DHRS3: variants seen among roughly 807,000 people sequenced by gnomAD.
The protein encoded by DHRS3 is dehydrogenase/reductase 3.
A neutral mutation model predicts 27.2 loss-of-function variants in DHRS3; 14 were observed. The ratio of observed to expected loss-of-function variants is 0.52; its 90% CI spans 0.34 to 0.81. DHRS3 has a LOEUF of 0.81. Among genes scored for constraint, DHRS3 ranks in the 30% least tolerant of loss-of-function variants. DHRS3 has a pLI of 0.01. For synonymous variants in DHRS3, 165 were observed against 175.9 expected (o/e 0.94, Z 0.49); for missense variants, 322 against 406.2 (o/e 0.79, Z 1.78).
chr1:12,616,326 G>T (rs1646944124), intron 1 of DHRS3, among the ~76,000 whole-genome samples: 1 of 152,130 alleles, frequency 6.6e-6, no homozygotes, highest in African/African-American at 2.4e-5. Flanking sequence ...GCCTGGCCTG[G>T]GCTGGGAGTT....
At chr1:12,598,955 C>T (rs565656489) in intron 1 of DHRS3, among the ~76,000 whole-genome samples, 2 of 152,346 alleles carry the variant, frequency 1.3e-5, no homozygotes, top group South Asian at 2.1e-4. Context: ...GCATCTCCCT[C>T]ATACTCCAAC....
intron 1 of DHRS3, among the ~76,000 whole-genome samples, chr1:12,588,418 C>T (rs1646716371): frequency 6.6e-6 from 1 of 152,216 alleles, no homozygotes; most frequent in South Asian, 2.1e-4. Flanking sequence ...CAGTGACTCA[C>T]CCAAGGTCAT....
At chr1:12,602,736 C>T (rs1646844208) in intron 1 of DHRS3, among the ~76,000 whole-genome samples, 4 of 152,220 alleles carry the variant, frequency 2.6e-5, no homozygotes, top group Non-Finnish European at 4.4e-5. Context: ...ATGAGGGAAC[C>T]AAAGCCCAGA....
chr1:12,575,367 A>G (rs1467454690), intron 4 of DHRS3, among the ~76,000 whole-genome samples: 1 of 152,030 alleles, frequency 6.6e-6, no homozygotes, highest in Non-Finnish European at 1.5e-5. Context: ...ATAGCAATTT[A>G]TAAACAATAA....
chr1:12,582,791 CATCT>C (rs1311055743), intron 1 of DHRS3, among the ~76,000 whole-genome samples: 1 of 151,950 alleles, frequency 6.6e-6, no homozygotes, highest in Non-Finnish European at 1.5e-5. Flanking sequence ...CCAGTCCATC[CATCT>C]ATCCACCACA....
intron 1 of DHRS3, among the ~76,000 whole-genome samples, chr1:12,601,968 G>A (rs182920214): frequency 6.6e-6 from 1 of 152,272 alleles, no homozygotes; most frequent in African/African-American, 2.4e-5. Context: ...ATTCATTTAG[G>A]CAACAACCAT....
At chr1:12,605,059 G>A (rs965474680) in intron 1 of DHRS3, among the ~76,000 whole-genome samples, 8 of 125,678 alleles carry the variant, frequency 6.4e-5, no homozygotes, top group African/African-American at 2.2e-4. Context: ...CAGCCTGCGC[G>A]ACTGGCAAAA....
chr1:12,582,776 G>A (rs919444450), intron 1 of DHRS3, among the ~76,000 whole-genome samples: 5 of 151,238 alleles, frequency 3.3e-5, no homozygotes, highest in African/African-American at 7.3e-5. Flanking sequence ...CCACTCTCCC[G>A]TTCACCAGTC....
intron 1 of DHRS3, among the ~76,000 whole-genome samples, chr1:12,613,841 C>A (rs2100729401): frequency 6.6e-6 from 1 of 152,286 alleles, no homozygotes; most frequent in South Asian, 2.1e-4. Flanking sequence ...GTGATCTAGG[C>A]TCACTGCAAC....
In DHRS3 at chr1:12,578,652, C is replaced by T; in HGVS notation, c.698+66G>A. On this transcript the variant is annotated intron_variant, in intron 4 of 5. Coordinates refer to ENST00000616661, the MANE Select transcript of DHRS3 (RefSeq NM_004753.7). The surrounding 1 kb of genome is among the most constrained non-coding windows in gnomAD (Gnocchi z 4.5). ...ATATCAGAGCTCTTTCTGCAGTTGG[C>T]TGACTGAATGGCTTGGGGAGGCAGG... 4 of 1,480,958 alleles carry T rather than the reference C, an allele frequency of 2.7e-6. No individual in the cohort carries two copies. The highest frequency in any genetic ancestry group is 3.8e-6 in the Non-Finnish European group (4 of 1,063,394). 91.7% of individuals were successfully genotyped at this position (1,480,958 alleles called of 1,614,324 possible). A position where few individuals can be genotyped will look rare whatever the true frequency, so the allele number is the denominator to read the frequency against.
At chr1:12,576,337 C>T (rs1036805105) in intron 4 of DHRS3, among the ~76,000 whole-genome samples, 1 of 151,670 alleles carries the variant, frequency 6.6e-6, no homozygotes, top group Non-Finnish European at 1.5e-5. Flanking sequence ...CCGAGGTGGA[C>T]GGATCACGAG....
chr1:12,577,470 C>T (rs756386775), intron 4 of DHRS3, among the ~76,000 whole-genome samples: 15 of 152,178 alleles, frequency 9.9e-5, no homozygotes, highest in African/African-American at 2.2e-4. Context: ...CAGTGGTCCC[C>T]GTTCCCCTTG....
rs777373886 is a variant in DHRS3, at chr1:12,578,639, T to C, written c.698+79A>G. On this transcript the variant is annotated intron_variant, in intron 4 of 5. Coordinates refer to ENST00000616661, the MANE Select transcript of DHRS3 (RefSeq NM_004753.7). This position sits in a 1 kb window ranked among gnomAD's most constrained non-coding sequence, Gnocchi z 4.5. ...TAGCCCGATTTTTATATCAGAGCTC[T>C]TTCTGCAGTTGGCTGACTGAATGGC... 1 of 1,406,704 alleles carries C rather than the reference T, an allele frequency of 7.1e-7. No homozygotes were observed. Among genetic ancestry groups the C allele is most frequent in the Non-Finnish European group, 1.0e-6 (1 of 999,274 alleles). The allele number at this position is 1,406,704 out of a possible 1,614,324, so 87.1% of individuals were successfully genotyped here. A position where few individuals can be genotyped will look rare whatever the true frequency, so the allele number is the denominator to read the frequency against.
intron 5 of DHRS3, among the ~76,000 whole-genome samples, chr1:12,569,177 G>A (rs1174949013): frequency 4.1e-5 from 6 of 146,594 alleles, no homozygotes; most frequent in East Asian, 2.0e-4. Flanking sequence ...AGATCGCGCC[G>A]TTGCACTCCA....
intron 1 of DHRS3, among the ~76,000 whole-genome samples, chr1:12,597,221 C>A (rs563664251): frequency 6.6e-6 from 1 of 152,160 alleles, no homozygotes; most frequent in African/African-American, 2.4e-5. Context: ...GGATTACAGG[C>A]GCCCACCACC....
At chr1:12,568,980 T>A (rs1646509169) in intron 5 of DHRS3, among the ~76,000 whole-genome samples, 1 of 152,034 alleles carries the variant, frequency 6.6e-6, no homozygotes. Context: ...CCCAGCACTT[T>A]GGGAGGCCAA....
Position 12,580,315 on chromosome 1 carries a change from AAC to A in DHRS3, c.339+206_339+207del, listed in dbSNP as rs781160767. ...ACACGGTCTACATTTCCAAGGGAAC[AAC>A]AGATGATTACGCCTGTTACGTAATC... On this transcript the variant is annotated intron_variant, in intron 2 of 5. Transcript: ENST00000616661. 1.6e-5 allele frequency: 10 copies of A among 632,106 alleles called. No individual in the cohort carries two copies. The South Asian group carries it at 1.8e-4, about 11-fold the overall frequency. The allele number at this position is 632,106 out of a possible 1,614,324, so 39.2% of individuals were successfully genotyped here. A position where few individuals can be genotyped will look rare whatever the true frequency, so the allele number is the denominator to read the frequency against.
At chr1:12,603,639 T>C (rs1007431605) in intron 1 of DHRS3, among the ~76,000 whole-genome samples, 1 of 151,824 alleles carries the variant, frequency 6.6e-6, no homozygotes, top group African/African-American at 2.4e-5. Context: ...GTAGAAGTGG[T>C]TGGGGGAGGT....
chr1:12,584,554 TTGAA>T (rs912703706), intron 1 of DHRS3, among the ~76,000 whole-genome samples: 3 of 150,488 alleles, frequency 2.0e-5, no homozygotes, highest in African/African-American at 7.3e-5. Context: ...ATTCTGTTTG[TTGAA>T]TGAATGAATG....
Sources: gnomAD v4.1 joint callset for allele counts (sites outside exome capture counted in the v4.1 genomes callset) on GRCh38, gnomAD v4.1.1 for gene constraint, Gnocchi (gnomAD v3.1) non-coding constraint, MANE v1.5 for transcripts, NCBI Gene and HGNC (gene_info 2026-07-23, HGNC 2026-07-21) for gene names.